TRIO: variants seen among roughly 807,000 people sequenced by gnomAD.
The protein encoded by TRIO is trio Rho guanine nucleotide exchange factor.
A neutral mutation model predicts 351.9 loss-of-function variants in TRIO; 58 were observed. That is an observed-to-expected ratio of 0.16 (90% CI 0.13 to 0.21). The LOEUF is 0.21. TRIO is among the 10% of genes least tolerant of loss of function. The pLI is 1.00. For synonymous variants in TRIO, 1,758 were observed against 1,595.7 expected (o/e 1.10, Z -2.42); for missense variants, 3,201 against 4,027.8 (o/e 0.79, Z 5.56).
chr5:14,386,507 C>T (rs891622411), intron 21 of TRIO, among the ~76,000 whole-genome samples: 1 of 152,148 alleles, frequency 6.6e-6, no homozygotes, highest in African/African-American at 2.4e-5. Context: ...AGTCAGTTTC[C>T]TGAATATGTG....
At chr5:14,155,369 A>T (rs1032905916) in intron 1 of TRIO, among the ~76,000 whole-genome samples, 2 of 152,250 alleles carry the variant, frequency 1.3e-5, no homozygotes, top group African/African-American at 4.8e-5. Flanking sequence ...ATGCTCTTAC[A>T]TAGTGATCAT....
intron 1 of TRIO, among the ~76,000 whole-genome samples, chr5:14,239,818 G>A (rs1379077350): frequency 6.6e-6 from 1 of 152,160 alleles, no homozygotes; most frequent in African/African-American, 2.4e-5. Flanking sequence ...GAACTGTGTA[G>A]GATCTGAAAG....
At chr5:14,438,707 G>A (rs938563489) in intron 34 of TRIO, among the ~76,000 whole-genome samples, 5 of 152,226 alleles carry the variant, frequency 3.3e-5, no homozygotes, top group Non-Finnish European at 7.3e-5. Flanking sequence ...GGGAAATTTT[G>A]CCAGTGATTT....
chr5:14,321,920 C>T (rs375417942), intron 9 of TRIO, among the ~76,000 whole-genome samples: 85 of 152,326 alleles, frequency 5.6e-4, no homozygotes, highest in African/African-American at 1.9e-3. Flanking sequence ...CTTTGCTTCT[C>T]CTTTGCCTTC....
intron 1 of TRIO, among the ~76,000 whole-genome samples, chr5:14,212,203 G>A (rs1468852866): frequency 6.6e-6 from 1 of 152,114 alleles, no homozygotes; most frequent in East Asian, 1.9e-4. Context: ...AGTTTGTAGA[G>A]TACTCAGGAA....
chr5:14,195,270 A>C (rs925578897), intron 1 of TRIO, among the ~76,000 whole-genome samples: 4 of 152,172 alleles, frequency 2.6e-5, no homozygotes, highest in Admixed American at 2.0e-4. Flanking sequence ...TGAAGAATAC[A>C]ATCTAGTTAA....
chr5:14,339,420 A>G (rs1189638221), intron 11 of TRIO, among the ~76,000 whole-genome samples: 1 of 152,252 alleles, frequency 6.6e-6, no homozygotes, highest in African/African-American at 2.4e-5. Context: ...ATTGACTTAC[A>G]CAATAGGAAT....
rs115102494 is a variant in TRIO, at chr5:14,427,088, G to T, written c.5203+7067G>T. On this transcript the variant is annotated intron_variant, in intron 34 of 56. Transcript: ENST00000344204. ...CACATTCTAACAGGTGACCACTGGG[G>T]TAAGCACTGTGTGACTGCAAAGCCA... Among the ~76,000 whole-genome samples the T allele has an allele frequency of 5.7e-3, 863 of 152,264 alleles. 11 individuals are homozygous for T. Among genetic ancestry groups the T allele is most frequent in the African/African-American group, 0.02 (812 of 41,538 alleles).
intron 1 of TRIO, among the ~76,000 whole-genome samples, chr5:14,161,666 C>T (rs1410136040): frequency 6.6e-6 from 1 of 152,030 alleles, no homozygotes; most frequent in African/African-American, 2.4e-5. Context: ...ATACAGAATC[C>T]CTAGAGATTC....
chr5:14,437,500 A>G (rs1751676820), intron 34 of TRIO, among the ~76,000 whole-genome samples: 2 of 152,158 alleles, frequency 1.3e-5, no homozygotes, highest in South Asian at 2.1e-4. Context: ...AGTACCACAC[A>G]CTGCCTGGTT....
intron 1 of TRIO, among the ~76,000 whole-genome samples, chr5:14,147,312 C>T (rs960471491): frequency 7.9e-5 from 12 of 152,098 alleles, no homozygotes; most frequent in South Asian, 6.2e-4. Flanking sequence ...CTTTCCTGGT[C>T]GCTTCTCATA....
intron 46 of TRIO, among the ~76,000 whole-genome samples, chr5:14,483,760 G>A (rs142896349): frequency 2.6e-5 from 4 of 152,210 alleles, no homozygotes; most frequent in Non-Finnish European, 4.4e-5. Context: ...CCCACCACCC[G>A]CCTGCCCCTC....
intron 1 of TRIO, among the ~76,000 whole-genome samples, chr5:14,236,213 G>T (rs1793759512): frequency 6.6e-6 from 1 of 151,980 alleles, no homozygotes; most frequent in Admixed American, 6.6e-5. Flanking sequence ...CCCCAGAAAG[G>T]AAAAATATGA....
intron 33 of TRIO, among the ~76,000 whole-genome samples, chr5:14,407,080 C>A (rs953061057): frequency 6.6e-6 from 1 of 152,152 alleles, no homozygotes; most frequent in African/African-American, 2.4e-5. Context: ...AGGAGGGACA[C>A]AAGATGGAAA....
At chr5:14,304,694 T>G (rs1272735119) in intron 8 of TRIO, 102 bp downstream of exon 8, 2 of 1,377,308 alleles carry the variant, frequency 1.5e-6, no homozygotes, top group Non-Finnish European at 2.0e-6. Flanking sequence ...CAGAAAAAGT[T>G]TATAGATTTC....
chr5:14,283,191 G>C lies in TRIO; in HGVS notation c.347+2755G>C, dbSNP rs544924177. 5.3e-5 allele frequency among the ~76,000 whole-genome samples: 8 copies of C among 152,316 alleles called. No individual in the cohort carries two copies. The South Asian group carries it at 1.7e-3, about 32-fold the overall frequency. On this transcript the variant is annotated intron_variant, in intron 3 of 56. Transcript: ENST00000344204. ...GTGTAGTTTGTAAGTCTGATGGTTT[G>C]TTGTAGTAGAGTGGTATGAACACAA... is the stretch of plus-strand genomic sequence containing the variant.
intron 3 of TRIO, among the ~76,000 whole-genome samples, chr5:14,281,441 C>CCT (rs1735999174): frequency 7.8e-6 from 1 of 128,508 alleles, no homozygotes; most frequent in Admixed American, 8.4e-5. Flanking sequence ...CCCCCCGCCC[C>CCT]GTGATCCAAT....
intron 8 of TRIO, among the ~76,000 whole-genome samples, chr5:14,310,320 C>T (rs934494798): frequency 1.3e-5 from 2 of 152,222 alleles, no homozygotes; most frequent in Non-Finnish European, 2.9e-5. Context: ...TAGTAAGCAG[C>T]CACACATCCA....
chr5:14,163,167 C>T lies in TRIO; in HGVS notation c.157+19285C>T, dbSNP rs1054469881. Among the ~76,000 whole-genome samples, 52 of 152,192 alleles carry T rather than the reference C, an allele frequency of 3.4e-4. 1 individual carries two copies. Among genetic ancestry groups the T allele is most frequent in the Non-Finnish European group, 5.9e-5 (4 of 68,002 alleles). ...AGTCCTTATGCCCTCCCTCCCTTTG[C>T]CCCCCATCCCTGGACAGGCCCTGGT... On this transcript the variant is annotated intron_variant, in intron 1 of 56. Transcript: ENST00000344204.
Sources: gnomAD v4.1 joint callset for allele counts (sites outside exome capture counted in the v4.1 genomes callset) on GRCh38, gnomAD v4.1.1 for gene constraint, MANE v1.5 for transcripts, NCBI Gene and HGNC (gene_info 2026-07-23, HGNC 2026-07-21) for gene names.